The following CFHR5 variants were observed in gnomAD, a reference collection of about 807,000 sequenced individuals.
The protein encoded by CFHR5 is complement factor H-related protein 5.
In CFHR5, 73 loss-of-function variants were observed where a neutral mutation model predicts 62.9. The ratio of observed to expected loss-of-function variants is 1.16; its 90% CI spans 0.96 to 1.41. The LOEUF is 1.41. Ranked by LOEUF, CFHR5 falls within the 40% of genes most tolerant of loss-of-function variation. The pLI, the probability that CFHR5 is intolerant of heterozygous loss-of-function variation, is 0.00. For missense variants in CFHR5, 779 were observed against 679.9 expected, an observed-to-expected ratio of 1.15 and a Z score of -1.62; for synonymous variants, 249 against 227.2, an observed-to-expected ratio of 1.10 and a Z score of -0.86.
chr1:196,994,293 T>C (rs1347070210), intron 4 of CFHR5, 37 bp downstream of exon 4: 8 of 1,510,220 alleles, frequency 5.3e-6, no homozygotes, highest in Non-Finnish European at 7.4e-6. Context: ...AACAAGAATT[T>C]GATTTTTATA....
chr1:196,977,794 T>C, intron 1 of CFHR5, 72 bp downstream of exon 1: 1 of 1,080,050 alleles, frequency 9.3e-7, no homozygotes, highest in South Asian at 1.2e-5. Context: ...TGTGTATGCA[T>C]ACAAATATTT....
At position 197,004,743 on chromosome 1, in the gene CFHR5, G is replaced by GTCC. The variant is rs773171763; in HGVS notation, c.1415_1416insCTC (p.Ser472dup). The GTCC allele has an allele frequency of 6.2e-7, 1 of 1,613,228 alleles. No individual in the cohort carries two copies. The highest frequency in any genetic ancestry group is 1.1e-5 in the South Asian group (1 of 91,058). On this transcript the variant is annotated inframe_insertion, in exon 9 of 10. Coordinates refer to ENST00000256785, the MANE Select transcript of CFHR5 (RefSeq NM_030787.4). The stretch of plus-strand genomic sequence containing the variant: ...TCCCATTATCAGTATATCCTCCAGG[G>GTCC]TCAACAGTGACGTACCGTTGCCAGT...
chr1:196,989,085 G>T (rs1316649185), intron 3 of CFHR5, among the ~76,000 whole-genome samples: 2 of 151,110 alleles, frequency 1.3e-5, no homozygotes, highest in Non-Finnish European at 1.5e-5. Flanking sequence ...ACTTCTTCTT[G>T]GTTTAGTCTT....
Position 197,003,500 on chromosome 1 carries a change from T to TGCTAC in CFHR5, c.1330+837_1330+841dup, listed in dbSNP as rs1571528323. 3.3e-5 allele frequency among the ~76,000 whole-genome samples: 5 copies of TGCTAC among 152,306 alleles called. No individual in the cohort carries two copies. In the East Asian group the frequency reaches 9.7e-4, roughly 29 times the overall value. Reference sequence around the variant, plus strand: ...CTCAGAATATCTTCTTGTCATTAAGTGCTACATGGCTGCATTTCAAAAGCA... The same window carrying TGCTAC: ...CTCAGAATATCTTCTTGTCATTAAGTGCTACGCTACATGGCTGCATTTCAAAAGCA... On this transcript the variant is annotated intron_variant, in intron 8 of 9. Transcript: ENST00000256785.
chr1:196,992,145 A>T (rs1571519400), intron 3 of CFHR5, among the ~76,000 whole-genome samples: 1 of 152,240 alleles, frequency 6.6e-6, no homozygotes, highest in Admixed American at 6.5e-5. Context: ...TCGATCTCAG[A>T]CTGCCACACT....
At chr1:197,006,098 G>T (rs1248008662) in intron 9 of CFHR5, among the ~76,000 whole-genome samples, 1 of 152,112 alleles carries the variant, frequency 6.6e-6, no homozygotes, top group East Asian at 1.9e-4. Context: ...GTTTTAGATG[G>T]TCCAATAATT....
chr1:196,993,611 T>A (rs1175323503), intron 3 of CFHR5, among the ~76,000 whole-genome samples: 3 of 152,166 alleles, frequency 2.0e-5, no homozygotes, highest in Non-Finnish European at 2.9e-5. Flanking sequence ...TATCTACTTT[T>A]TATACATCAT....
At chr1:196,996,226 T>A (rs187065537) in intron 6 of CFHR5, 25 bp downstream of exon 6, 1 of 1,533,954 alleles carries the variant, frequency 6.5e-7, no homozygotes, top group Admixed American at 1.7e-5. Context: ...CTAAACTTTA[T>A]ATTTGATTAT....
chr1:196,988,826 TTC>T (rs1428717881), intron 3 of CFHR5, among the ~76,000 whole-genome samples: 2 of 151,924 alleles, frequency 1.3e-5, no homozygotes, highest in Non-Finnish European at 2.9e-5. Flanking sequence ...GGGTCTAAAA[TTC>T]TCTTTTTTTT....
intron 7 of CFHR5, among the ~76,000 whole-genome samples, chr1:197,000,722 A>G (rs1654131497): frequency 6.6e-6 from 1 of 152,188 alleles, no homozygotes; most frequent in Admixed American, 6.5e-5. Flanking sequence ...CTCATTCAAA[A>G]GAGTCTTGAT....
At position 196,995,614 on chromosome 1, in the gene CFHR5, G is replaced by A. The variant is rs1335433925; in HGVS notation, c.608-103G>A. 4.7e-5 allele frequency: 44 copies of A among 935,248 alleles called. No homozygotes were observed. In the East Asian group the frequency reaches 1.0e-3, roughly 22 times the overall value. 57.9% of individuals were successfully genotyped at this position (935,248 alleles called of 1,614,324 possible). A position where few individuals can be genotyped will look rare whatever the true frequency, so the allele number is the denominator to read the frequency against. On this transcript the variant is annotated intron_variant, in intron 4 of 9. Transcript: ENST00000256785. ...AACACATGTCCCCAAAAATAGAAGTGCAATATAAAGGCAATTAATTTCTAA... is the reference window on the plus strand; with the variant it reads ...AACACATGTCCCCAAAAATAGAAGTACAATATAAAGGCAATTAATTTCTAA...
intron 3 of CFHR5, among the ~76,000 whole-genome samples, chr1:196,986,222 A>G (rs893191498): frequency 6.6e-6 from 1 of 152,104 alleles, no homozygotes. Flanking sequence ...ATGTAAGGTA[A>G]CATCTTGCAA....
At chr1:196,980,037 C>T (rs967337690) in intron 1 of CFHR5, among the ~76,000 whole-genome samples, 1 of 152,008 alleles carries the variant, frequency 6.6e-6, no homozygotes, top group Non-Finnish European at 1.5e-5. Context: ...ACCTTCTACA[C>T]CTTTTTGTTA....
At chr1:196,990,094 G>A (rs766329642) in intron 3 of CFHR5, among the ~76,000 whole-genome samples, 1 of 152,094 alleles carries the variant, frequency 6.6e-6, no homozygotes, top group Non-Finnish European at 1.5e-5. Flanking sequence ...AGCTCTTCTT[G>A]TTGAATTGAT....
intron 7 of CFHR5, among the ~76,000 whole-genome samples, chr1:197,002,262 G>A (rs1046032577): frequency 6.6e-6 from 1 of 151,840 alleles, no homozygotes; most frequent in African/African-American, 2.4e-5. Flanking sequence ...TTAAACTAAT[G>A]GTTATAACAA....
At chr1:196,980,232 T>A (rs894250685) in intron 1 of CFHR5, among the ~76,000 whole-genome samples, 1 of 152,120 alleles carries the variant, frequency 6.6e-6, no homozygotes, top group Non-Finnish European at 1.5e-5. Flanking sequence ...CGCCTGAGGA[T>A]GTTTTACAGT....
chr1:196,984,015 T>A lies in CFHR5; in HGVS notation c.308T>A (p.Ile103Lys). ...GGTCATTCTGAATCTTCAGGACTAA[T>A]ACATCTGGAAGGTGATACTGTACAA... ...KNGHSESSGL[I>K]HLEGDTVQII... is the part of the protein sequence containing the mutation. The change falls in exon 3 of 10, where the codon ATA becomes AAA. Residue 103 changes from isoleucine (I) to lysine (K), a missense_variant. Ile to Lys is a moderately radical substitution (Grantham distance 102). Coordinates refer to ENST00000256785, the MANE Select transcript of CFHR5 (RefSeq NM_030787.4). The A allele has an allele frequency of 6.2e-7, 1 of 1,612,804 alleles. No individual in the cohort carries two copies. Among genetic ancestry groups the A allele is most frequent in the Non-Finnish European group, 8.5e-7 (1 of 1,178,992 alleles).
Position 196,995,823 on chromosome 1 carries a change from T to C in CFHR5, c.714T>C (p.Asn238=). The C allele has an allele frequency of 6.2e-7, 1 of 1,613,176 alleles. No individual in the cohort carries two copies. Among genetic ancestry groups the C allele is most frequent in the Non-Finnish European group, 8.5e-7 (1 of 1,179,246 alleles). ...ATGAAGTAGTGGAATATGATTGCAATCCTAATTTTATAATAAACGGGCCTA... is the reference window on the plus strand; with the variant it reads ...ATGAAGTAGTGGAATATGATTGCAACCCTAATTTTATAATAAACGGGCCTA... ...GHNEVVEYDC[N]PNFIINGPKK... The change falls in exon 5 of 10, where the codon AAT becomes AAC. Residue 238 remains asparagine, a synonymous_variant. Transcript: ENST00000256785.
chr1:196,976,558 G>T (rs1404885019), upstream of CFHR5, among the ~76,000 whole-genome samples: 1 of 152,024 alleles, frequency 6.6e-6, no homozygotes, highest in Non-Finnish European at 1.5e-5. Context: ...CTCTTTTACT[G>T]AATTTTATGG....
Sources: gnomAD v4.1 joint callset for allele counts (sites outside exome capture counted in the v4.1 genomes callset) on GRCh38, gnomAD v4.1.1 for gene constraint, MANE v1.5 for transcripts, NCBI Gene and HGNC (gene_info 2026-07-23, HGNC 2026-07-21) for gene names.